Variants in ADGRD1 observed in about 807,000 individuals in gnomAD.
ADGRD1 encodes the protein G-protein coupled receptor 133.
A neutral mutation model predicts 113.4 loss-of-function variants in ADGRD1; 77 were observed. The observed-to-expected ratio is 0.68, with a 90% CI of 0.57 to 0.82. The LOEUF is 0.82. Among genes scored for constraint, ADGRD1 ranks in the 40% least tolerant of loss-of-function variants. ADGRD1 has a pLI of 0.00. For missense variants in ADGRD1, 1,036 were observed against 1,139.1 expected (o/e 0.91, Z 1.30); for synonymous variants, 474 against 475.0 (o/e 1.00, Z 0.03).
intron 14 of ADGRD1, among the ~76,000 whole-genome samples, chr12:131,083,012 G>A (rs1230997054): frequency 2.6e-5 from 4 of 152,238 alleles, no homozygotes; most frequent in Admixed American, 6.5e-5. Flanking sequence ...ACCGTTGCCC[G>A]AGGCTGCTGG....
intron 20 of ADGRD1, among the ~76,000 whole-genome samples, chr12:131,123,318 T>G (rs936701062): frequency 4.0e-5 from 6 of 150,856 alleles, no homozygotes; most frequent in African/African-American, 1.5e-4. Context: ...GTGCTGGGAC[T>G]GCAGGCGTGA....
At chr12:131,093,420 C>T (rs954318954) in intron 15 of ADGRD1, among the ~76,000 whole-genome samples, 6 of 152,212 alleles carry the variant, frequency 3.9e-5, no homozygotes, top group Non-Finnish European at 7.3e-5. Context: ...GTGCAGCCTC[C>T]GCCCAGACCC....
chr12:131,104,420 T>C (rs1453806598), intron 15 of ADGRD1, among the ~76,000 whole-genome samples: 1 of 152,126 alleles, frequency 6.6e-6, no homozygotes, highest in East Asian at 1.9e-4. Context: ...CACAGCCGAG[T>C]GTCACATGGC....
intron 9 of ADGRD1, chr12:131,002,812 A>G (rs766247915): frequency 4.9e-6 from 6 of 1,234,400 alleles, no homozygotes; most frequent in Non-Finnish European, 6.2e-6. Context: ...GGGGGCGATC[A>G]GCCCCTCCTC....
intron 13 of ADGRD1, among the ~76,000 whole-genome samples, chr12:131,048,690 C>G (rs1052895220): frequency 1.3e-5 from 2 of 152,228 alleles, no homozygotes; most frequent in Admixed American, 1.3e-4. Flanking sequence ...CAGAAATACT[C>G]TTGTGTTCTG....
chr12:131,000,983 A>G (rs1200019350), intron 9 of ADGRD1, among the ~76,000 whole-genome samples: 1 of 152,220 alleles, frequency 6.6e-6, no homozygotes, highest in African/African-American at 2.4e-5. Context: ...CACGTGTGTC[A>G]GTAATGTGTT....
At chr12:131,095,929 C>A (rs1887248190) in intron 15 of ADGRD1, among the ~76,000 whole-genome samples, 1 of 152,164 alleles carries the variant, frequency 6.6e-6, no homozygotes, top group Non-Finnish European at 1.5e-5. Context: ...ATGATACACG[C>A]ATGTGGGAAA....
chr12:131,053,573 T>C (rs999660739), intron 13 of ADGRD1, among the ~76,000 whole-genome samples: 1 of 152,174 alleles, frequency 6.6e-6, no homozygotes, highest in Admixed American at 6.5e-5. Flanking sequence ...GGGCTGTTTT[T>C]AAGAATTTTA....
At chr12:131,135,011 C>T (rs1951039666) in intron 21 of ADGRD1, among the ~76,000 whole-genome samples, 1 of 152,222 alleles carries the variant, frequency 6.6e-6, no homozygotes, top group African/African-American at 2.4e-5. Context: ...AGGAACTCCG[C>T]TAGTCTCTAG....
At chr12:131,040,476 T>C (rs952738102) in intron 13 of ADGRD1, among the ~76,000 whole-genome samples, 5 of 152,234 alleles carry the variant, frequency 3.3e-5, no homozygotes, top group African/African-American at 4.8e-5. Flanking sequence ...AAAAATGCAT[T>C]ATATACTTAA....
intron 18 of ADGRD1, 52 bp downstream of exon 18, chr12:131,108,929 C>T (rs751781176): frequency 2.0e-6 from 2 of 976,734 alleles, no homozygotes; most frequent in Admixed American, 2.4e-5. Context: ...CAGGAAGAGA[C>T]AGGTGGGGAT....
chr12:131,029,642 C>T (rs141249866), intron 13 of ADGRD1, among the ~76,000 whole-genome samples: 18 of 125,252 alleles, frequency 1.4e-4, no homozygotes, highest in African/African-American at 3.9e-4. Flanking sequence ...AGGTGACATT[C>T]CCAGGCTCTG....
At position 131,027,792 on chromosome 12, in the gene ADGRD1, C is replaced by CTGGAGTATAACATACG. The variant is rs1429080262; in HGVS notation, c.1473+13454_1473+13455insGAGTATAACATACGTG. On this transcript the variant is annotated intron_variant, in intron 13 of 24. Coordinates refer to ENST00000261654, the MANE Select transcript of ADGRD1 (RefSeq NM_198827.5). The surrounding 1 kb of genome is among the most constrained non-coding windows in gnomAD (Gnocchi z 5.1). The stretch of plus-strand genomic sequence containing the variant: ...AACGTGTTATTGGAGTATAACATGC[C>CTGGAGTATAACATACG]TGCAGAAAAGCACGTATATGTGTGT... 1 of 152,156 alleles carries CTGGAGTATAACATACG rather than the reference C, an allele frequency of 6.6e-6. No homozygotes were observed. The highest frequency in any genetic ancestry group is 1.5e-5 in the Non-Finnish European group (1 of 68,040). 9.4% of individuals were successfully genotyped at this position (152,156 alleles called of 1,614,324 possible). A position where few individuals can be genotyped will look rare whatever the true frequency, so the allele number is the denominator to read the frequency against.
chr12:130,970,943 GAGA>G (rs1871546447), intron 3 of ADGRD1: 1 of 152,238 alleles, frequency 6.6e-6, no homozygotes, highest in Non-Finnish European at 1.5e-5. Context: ...AACTCAAAAG[GAGA>G]AGGAGTTCAG....
At chr12:131,118,277 A>G (rs1021463978) in intron 18 of ADGRD1, 108 bp from the exon 19 acceptor site, 1 of 730,428 alleles carries the variant, frequency 1.4e-6, no homozygotes, top group Non-Finnish European at 2.3e-6. Context: ...CTCTGTATAC[A>G]TGTATGAGGT....
intron 18 of ADGRD1, among the ~76,000 whole-genome samples, chr12:131,115,389 G>T (rs534434298): frequency 6.6e-6 from 1 of 152,194 alleles, no homozygotes; most frequent in Admixed American, 6.5e-5. Context: ...CCGAGGGGCA[G>T]GGGTGTGGAC....
At position 131,105,332 on chromosome 12, in the gene ADGRD1, C is replaced by G. The variant is rs538809949; in HGVS notation, c.1775+398C>G. 3.9e-5 allele frequency among the ~76,000 whole-genome samples: 6 copies of G among 152,346 alleles called. No individual in the cohort carries two copies. In the East Asian group the frequency reaches 1.2e-3, roughly 29 times the overall value. On this transcript the variant is annotated intron_variant, in intron 16 of 24. Coordinates refer to ENST00000261654, the MANE Select transcript of ADGRD1 (RefSeq NM_198827.5). Reference sequence around the variant, plus strand: ...GTGATCACGCCACGAGGCAGCAGGGCAGAGAGCGAGGGGTGCAGCTAGGTC... The same window carrying G: ...GTGATCACGCCACGAGGCAGCAGGGGAGAGAGCGAGGGGTGCAGCTAGGTC...
intron 15 of ADGRD1, among the ~76,000 whole-genome samples, chr12:131,101,500 G>A (rs1203362470): frequency 2.1e-5 from 3 of 144,024 alleles, no homozygotes; most frequent in Non-Finnish European, 4.5e-5. Context: ...TGATTCTCCT[G>A]CCTCAGCCTC....
chr12:131,083,297 T>G (rs1458175983), intron 14 of ADGRD1, among the ~76,000 whole-genome samples: 1 of 152,226 alleles, frequency 6.6e-6, no homozygotes, highest in Non-Finnish European at 1.5e-5. Context: ...ATCTTTTTTT[T>G]TTTTTAATTT....
Sources: gnomAD v4.1 joint callset for allele counts (sites outside exome capture counted in the v4.1 genomes callset) on GRCh38, gnomAD v4.1.1 for gene constraint, Gnocchi (gnomAD v3.1) non-coding constraint, MANE v1.5 for transcripts, NCBI Gene and HGNC (gene_info 2026-07-23, HGNC 2026-07-21) for gene names.